TG: variants seen among roughly 807,000 people sequenced by gnomAD.
TG encodes thyroid hormones.
In TG, 270 loss-of-function variants were observed where a neutral mutation model predicts 324.7. The ratio of observed to expected loss-of-function variants is 0.83; its 90% CI spans 0.75 to 0.92. The LOEUF is 0.92. Among genes scored for constraint, TG ranks in the 40% least tolerant of loss-of-function variants. The pLI, the probability that TG is intolerant of heterozygous loss-of-function variation, is 0.00. For synonymous variants in TG, 1,401 were observed against 1,327.0 expected (o/e 1.06, Z -1.21); for missense variants, 3,591 against 3,456.4 (o/e 1.04, Z -0.98).
intron 5 of TG, among the ~76,000 whole-genome samples, chr8:132,873,731 A>G (rs1259810574): frequency 1.3e-5 from 2 of 152,244 alleles, no homozygotes; most frequent in Non-Finnish European, 2.9e-5. Context: ...AAATGAGCAA[A>G]AAGATTCTTT....
At chr8:133,108,627 AGC>A (rs1205333927) in intron 43 of TG, among the ~76,000 whole-genome samples, 1 of 152,232 alleles carries the variant, frequency 6.6e-6, no homozygotes, top group Non-Finnish European at 1.5e-5. Flanking sequence ...TTACCCTCCA[AGC>A]CCAGACCTTT....
intron 41 of TG, among the ~76,000 whole-genome samples, chr8:133,055,509 C>G (rs1427620864): frequency 6.6e-6 from 1 of 152,114 alleles, no homozygotes; most frequent in East Asian, 1.9e-4. Context: ...CTTGTGAGCC[C>G]TCTTAGTCAT....
At chr8:132,867,121 C>T in intron 1 of TG, 54 bp downstream of exon 1, 1 of 1,493,792 alleles carries the variant, frequency 6.7e-7, no homozygotes, top group Non-Finnish European at 9.2e-7. Flanking sequence ...CAGTGTCAGC[C>T]AGGCTCTGCC....
intron 45 of TG, among the ~76,000 whole-genome samples, chr8:133,117,376 C>T (rs559917276): frequency 1.4e-4 from 22 of 152,294 alleles, no homozygotes; most frequent in South Asian, 2.1e-4. Context: ...GTGACAGGGA[C>T]GCACGTGATC....
chr8:133,126,662 T>G (rs1049559150), intron 45 of TG, among the ~76,000 whole-genome samples: 11 of 152,090 alleles, frequency 7.2e-5, no homozygotes, highest in African/African-American at 2.7e-4. Flanking sequence ...ACACAAGCCA[T>G]TTGGAAAGCA....
Position 132,869,740 on chromosome 8 carries a change from G to T in TG, c.188G>T (p.Cys63Phe). The change falls in exon 3 of 48, where the codon TGC becomes TTC. Residue 63 changes from cysteine (C) to phenylalanine (F), a missense_variant. By Grantham distance (205) the Cys-to-Phe change is radical. Transcript: ENST00000220616. ...AEDGSFQTVQ[C>F]QNDGRSCWCV... ...TGTCTCCTCCTCAGGACTGTCCAGT[G>T]CCAGAACGACGGCCGCTCCTGCTGG... 6.2e-7 allele frequency: 1 copy of T among 1,614,192 alleles called. No individual in the cohort carries two copies.
chr8:133,085,652 A>G (rs1296034885), intron 41 of TG, among the ~76,000 whole-genome samples: 1 of 152,250 alleles, frequency 6.6e-6, no homozygotes, highest in African/African-American at 2.4e-5. Flanking sequence ...AATTAAACCC[A>G]TAATGAGATA....
chr8:133,075,143 A>T, intron 41 of TG: 2 of 985,042 alleles, frequency 2.0e-6, no homozygotes, highest in Non-Finnish European at 2.4e-6. Flanking sequence ...GGGAAGATAG[A>T]TGGGTTATTA....
intron 22 of TG, among the ~76,000 whole-genome samples, chr8:132,924,834 T>C (rs147748767): frequency 5.3e-5 from 8 of 152,320 alleles, no homozygotes; most frequent in African/African-American, 1.9e-4. Flanking sequence ...CTACCAGCGG[T>C]AGTAAATGTC....
At chr8:133,032,698 G>T (rs1300661065) in intron 41 of TG, among the ~76,000 whole-genome samples, 2 of 152,210 alleles carry the variant, frequency 1.3e-5, no homozygotes, top group African/African-American at 4.8e-5. Flanking sequence ...AAATGAATAT[G>T]AGTTGGCAGT....
chr8:133,072,673 G>C (rs1475873303), intron 41 of TG, among the ~76,000 whole-genome samples: 2 of 152,188 alleles, frequency 1.3e-5, no homozygotes, highest in East Asian at 3.9e-4. Context: ...CACTGATTTA[G>C]GTGCACTAGA....
In TG at chr8:133,013,715, C is replaced by T. The variant is rs1834743803; in HGVS notation, c.6513C>T (p.Asn2171=). The T allele has an allele frequency of 1.2e-6, 2 of 1,613,512 alleles. No homozygotes were observed. The highest frequency in any genetic ancestry group is 8.5e-7 in the Non-Finnish European group (1 of 1,180,048). The change falls in exon 37 of 48, where the codon AAC becomes AAT. Residue 2171 remains asparagine, a synonymous_variant. Transcript: ENST00000220616. ...QSCTHSLQGQ[N]CRLLLREEAT... ...GCACACATAGTCTGCAGGGTCAGAACTGCCGACTTCTGCTTCGTGAAGAGG... is the reference window on the plus strand; with the variant it reads ...GCACACATAGTCTGCAGGGTCAGAATTGCCGACTTCTGCTTCGTGAAGAGG...
chr8:133,014,678 TGCTGTCCTAGA>T (rs1834859878), intron 37 of TG, among the ~76,000 whole-genome samples: 1 of 152,202 alleles, frequency 6.6e-6, no homozygotes, highest in Admixed American at 6.5e-5. Context: ...TTTGGCCCCA[TGCTGTCCTAGA>T]GCATTGACAG....
chr8:133,114,029 G>C (rs1041006628), intron 44 of TG, among the ~76,000 whole-genome samples: 1 of 152,184 alleles, frequency 6.6e-6, no homozygotes, highest in African/African-American at 2.4e-5. Context: ...AGGCACACGT[G>C]AGCGCATTTA....
intron 33 of TG, 21 bp from the exon 34 acceptor site, chr8:132,972,577 T>TG (rs1829683407): frequency 8.4e-7 from 1 of 1,185,394 alleles, no homozygotes; most frequent in Non-Finnish European, 1.1e-6. Flanking sequence ...TGGTTTTTTG[T>TG]TTTTTTTTTT....
intron 41 of TG, chr8:133,050,817 C>T: frequency 6.3e-7 from 1 of 1,599,020 alleles, no homozygotes; most frequent in Non-Finnish European, 8.6e-7. Context: ...CTGACTCACT[C>T]AGAAATCACA....
intron 34 of TG, among the ~76,000 whole-genome samples, chr8:132,977,642 G>T (rs1314693067): frequency 6.6e-6 from 1 of 152,138 alleles, no homozygotes; most frequent in Admixed American, 6.5e-5. Flanking sequence ...GAGAAATTGT[G>T]CAGGGAAACT....
intron 38 of TG, 72 bp downstream of exon 38, chr8:133,018,069 G>T: frequency 2.8e-6 from 4 of 1,453,522 alleles, no homozygotes; most frequent in Non-Finnish European, 3.8e-6. Context: ...ATCCAAATGG[G>T]ACTCAGTAGC....
At chr8:133,077,295 G>A (rs1242352615) in intron 41 of TG, among the ~76,000 whole-genome samples, 1 of 152,164 alleles carries the variant, frequency 6.6e-6, no homozygotes, top group Non-Finnish European at 1.5e-5. Flanking sequence ...CCTGTTCAAG[G>A]GGTCCCGTTC....
Sources: allele counts gnomAD v4.1 joint callset (sites outside exome capture counted in the v4.1 genomes callset), GRCh38; gene constraint gnomAD v4.1.1; transcripts MANE v1.5; gene names NCBI Gene and HGNC (gene_info 2026-07-23, HGNC 2026-07-21).